Variants in NYX observed in about 807,000 individuals in gnomAD.
NYX encodes leucine-rich repeat protein.
For missense variants in NYX, 481 were observed against 485.4 expected (o/e 0.99, Z 0.09); for synonymous variants, 258 against 245.7 (o/e 1.05, Z -0.47).
At chrX:41,463,805 G>T (rs1180363091) in intron 2 of NYX, among the ~76,000 whole-genome samples, 1 of 110,583 alleles carries the variant, frequency 9.0e-6, no homozygotes, top group Non-Finnish European at 1.9e-5. Flanking sequence ...CTGACCTCAG[G>T]TGATCCACCC....
intron 2 of NYX, among the ~76,000 whole-genome samples, chrX:41,448,485 G>A (rs2064266985): frequency 1.8e-5 from 2 of 108,881 alleles, no homozygotes; most frequent in Non-Finnish European, 3.8e-5. Context: ...CTCGTGATCT[G>A]CCCGCCTCGG....
chrX:41,474,814 C>A lies in NYX; in HGVS notation c.1346C>A (p.Ala449Glu). ...CTCTCCTCCCGTGGGGTGGGAGGCG[C>A]GGGCCGGCAGCCCTGGTTTCTCCTC... is the stretch of plus-strand genomic sequence containing the variant. ...DSLSSRGVGG[A>E]GRQPWFLLAS... The change falls in exon 3 of 3, where the codon GCG becomes GAG. Residue 449 changes from alanine (A) to glutamate (E), a missense_variant. Physicochemically the swap from Ala to Glu is moderately radical, Grantham distance 107. Coordinates refer to ENST00000378220, the MANE Select transcript of NYX (RefSeq NM_001378477.3). The A allele has an allele frequency of 8.3e-7, 1 of 1,203,749 alleles. No individual in the cohort carries two copies. The highest frequency in any genetic ancestry group is 1.1e-6 in the Non-Finnish European group (1 of 892,495).
chrX:41,459,472 A>G (rs1484128377), intron 2 of NYX, among the ~76,000 whole-genome samples: 1 of 109,689 alleles, frequency 9.1e-6, no homozygotes, highest in African/African-American at 3.3e-5. Context: ...TACAAAAATT[A>G]TCTGGGTGTG....
intron 2 of NYX, among the ~76,000 whole-genome samples, chrX:41,449,106 A>G (rs1455675301): frequency 8.9e-6 from 1 of 111,923 alleles, no homozygotes; most frequent in East Asian, 2.8e-4. Context: ...AGCCCAAGGA[A>G]AAATCCTTTA....
intron 2 of NYX, among the ~76,000 whole-genome samples, chrX:41,459,007 C>T (rs1356164073): frequency 1.8e-5 from 2 of 109,582 alleles, no homozygotes; most frequent in African/African-American, 3.3e-5. Flanking sequence ...CACTTGAACC[C>T]GGCAGGTGGA....
Position 41,460,876 on chromosome X carries a change from A to ATTTTTTT in NYX, c.23-12591_23-12585dup, listed in dbSNP as rs59383905. ...ATGTAAGCGGAGTCACACAGTATGT[A>ATTTTTTT]TTTTTTTTTTTTTTTTTTTTTTTTT... is the stretch of plus-strand genomic sequence containing the variant. On this transcript the variant is annotated intron_variant, in intron 2 of 2. Coordinates refer to ENST00000378220, the MANE Select transcript of NYX (RefSeq NM_001378477.3). 1.0e-3 allele frequency among the ~76,000 whole-genome samples: 26 copies of ATTTTTTT among 24,765 alleles called. 1 individual carries two copies. The highest frequency in any genetic ancestry group is 1.1e-3 in the African/African-American group (7 of 6,572). 21.5% of individuals were successfully genotyped at this position (24,765 alleles called of 115,157 possible).
At chrX:41,458,965 C>T (rs2064308350) in intron 2 of NYX, among the ~76,000 whole-genome samples, 1 of 109,176 alleles carries the variant, frequency 9.2e-6, no homozygotes, top group Admixed American at 9.7e-5. Flanking sequence ...TGCCTGTAGT[C>T]CCAGCTACTT....
chrX:41,459,894 A>T (rs1385441885), intron 2 of NYX, among the ~76,000 whole-genome samples: 39 of 103,150 alleles, frequency 3.8e-4, no homozygotes, highest in African/African-American at 1.3e-3. Flanking sequence ...TCTCTTGGGC[A>T]AATACCTAGG....
At chrX:41,459,698 A>G (rs1214521907) in intron 2 of NYX, among the ~76,000 whole-genome samples, 2 of 111,063 alleles carry the variant, frequency 1.8e-5, no homozygotes, top group Admixed American at 9.7e-5. Context: ...TTCTGTTAAC[A>G]TGTTTTTATT....
intron 2 of NYX, among the ~76,000 whole-genome samples, chrX:41,468,999 TG>T (rs753318417): frequency 1.2e-4 from 13 of 110,924 alleles, no homozygotes; most frequent in Admixed American, 5.8e-4. Context: ...TTTAGGGAGA[TG>T]GAAAAGCTAA....
In NYX at chrX:41,474,024, C is replaced by G. The variant is rs1260089149; in HGVS notation, c.556C>G (p.Arg186Gly). The G allele has an allele frequency of 9.5e-7, 1 of 1,051,608 alleles. No homozygotes were observed. Among genetic ancestry groups the G allele is most frequent in the African/African-American group, 2.0e-5 (1 of 49,906 alleles). 86.7% of individuals were successfully genotyped at this position (1,051,608 alleles called of 1,213,427 possible). ...CAACCTGACGCACGCGCACCTGGAG[C>G]GCGGCCGCATCGAGGCGGTGGCCTC... The part of the protein sequence containing the change: ...LANLTHAHLE[R>G]GRIEAVASSS... Residue 186 changes from arginine (R) to glycine (G), a missense_variant, in exon 3 of 3, where the codon CGC (arginine) becomes GGC (glycine). Arg to Gly is a moderately radical substitution (Grantham distance 125). Transcript: ENST00000378220.
intron 2 of NYX, among the ~76,000 whole-genome samples, chrX:41,460,460 C>T (rs979864721): frequency 6.3e-5 from 7 of 111,985 alleles, no homozygotes; most frequent in Admixed American, 2.8e-4. Context: ...CGTGAGCCAC[C>T]GCACCCAGCC....
chrX:41,474,386 C>T lies in NYX; in HGVS notation c.918C>T (p.Gly306=), dbSNP rs2064379924. The T allele has an allele frequency of 1.7e-6, 2 of 1,206,473 alleles. No homozygotes were observed. Among genetic ancestry groups the T allele is most frequent in the African/African-American group, 1.7e-5 (1 of 57,530 alleles). The change falls in exon 3 of 3, where the codon GGC becomes GGT. Residue 306 remains glycine, a synonymous_variant. Transcript: ENST00000378220. ...LSGLLALHLN[G]NRLTVLAWVA... is the part of the protein sequence containing the mutation. Reference sequence around the variant, plus strand: ...GTCTCCTCGCGCTGCACCTCAACGGCAACCGCCTCACCGTGCTCGCCTGGG... The same window carrying T: ...GTCTCCTCGCGCTGCACCTCAACGGTAACCGCCTCACCGTGCTCGCCTGGG...
rs746918711 is a variant in NYX, at chrX:41,447,860, AC to A, written c.-44del. 22 of 1,208,836 alleles carry A rather than the reference AC, an allele frequency of 1.8e-5. No individual in the cohort carries two copies. Among genetic ancestry groups the A allele is most frequent in the Non-Finnish European group, 1.6e-5 (14 of 893,546 alleles). On this transcript the variant is annotated 5_prime_UTR_variant, in exon 2 of 3. An upstream open reading frame in the 5' UTR loses its in-frame stop. Transcript: ENST00000378220. The stretch of plus-strand genomic sequence containing the variant: ...CTTTCTCCCCTCAGGTAGGGGTCCC[AC>A]GGCTGGGTGGTCCTAAGCCACTGGG...
At chrX:41,451,522 A>G (rs778542203) in intron 2 of NYX, among the ~76,000 whole-genome samples, 1 of 111,523 alleles carries the variant, frequency 9.0e-6, no homozygotes, top group East Asian at 2.8e-4. Flanking sequence ...ATTTGATTTC[A>G]TTTCCTTTTG....
chrX:41,455,593 G>A (rs1386600289), intron 2 of NYX, among the ~76,000 whole-genome samples: 1 of 109,937 alleles, frequency 9.1e-6, no homozygotes, highest in Non-Finnish European at 1.9e-5. Context: ...GACCTGTCAT[G>A]AGCCCAGGGC....
At chrX:41,461,178 C>A (rs2064318088) in intron 2 of NYX, among the ~76,000 whole-genome samples, 3 of 107,465 alleles carry the variant, frequency 2.8e-5, no homozygotes, top group African/African-American at 1.0e-4. Flanking sequence ...CCCTCCCACC[C>A]TTTCCCTCTG....
At chrX:41,462,032 C>A (rs1252901298) in intron 2 of NYX, among the ~76,000 whole-genome samples, 2 of 111,437 alleles carry the variant, frequency 1.8e-5, no homozygotes, top group Non-Finnish European at 3.8e-5. Context: ...GAACTCCTGA[C>A]CTCGTGATCC....
Position 41,474,899 on chromosome X carries a change from A to T in NYX, c.1431A>T (p.Ter477CysextTer13). 8.4e-7 allele frequency: 1 copy of T among 1,196,263 alleles called. No homozygotes were observed. The highest frequency in any genetic ancestry group is 1.1e-6 in the Non-Finnish European group (1 of 886,658). Residue 477 changes from the stop codon to cysteine (C), a stop_lost, in exon 3 of 3, where the codon TGA becomes TGT. Transcript: ENST00000378220. ...QHVVFGLQMD[*>C] ...TGGTGTTTGGCCTGCAGATGGACTG[A>T]CCTGGCCAGAGGGGGGAAAGTTTGC... is the stretch of plus-strand genomic sequence containing the variant.
Sources: gnomAD v4.1 joint callset for allele counts (sites outside exome capture counted in the v4.1 genomes callset) on GRCh38, gnomAD v4.1.1 for gene constraint, MANE v1.5 for transcripts, NCBI Gene and HGNC (gene_info 2026-07-23, HGNC 2026-07-21) for gene names.